Variants in MGAT5B observed in about 807,000 individuals in gnomAD.
The protein encoded by MGAT5B is N-acetylglucosaminyl-transferase Vb.
In MGAT5B, 54 loss-of-function variants were observed where a neutral mutation model predicts 95.1. The ratio of observed to expected loss-of-function variants is 0.57; its 90% CI spans 0.46 to 0.71. The LOEUF (loss-of-function observed/expected upper bound fraction) is 0.71. MGAT5B is among the 30% of genes least tolerant of loss of function. The probability of loss-of-function intolerance (pLI) is 0.00; values close to 1 mark genes in which losing one functional copy is unlikely to be tolerated. For synonymous variants in MGAT5B, 464 were observed against 451.0 expected (o/e 1.03, Z -0.36); for missense variants, 935 against 1,088.6 (o/e 0.86, Z 1.99).
chr17:76,881,013 T>G (rs1967390552), intron 2 of MGAT5B, among the ~76,000 whole-genome samples: 1 of 151,936 alleles, frequency 6.6e-6, no homozygotes, highest in African/African-American at 2.4e-5. Context: ...ACTTGGCTCG[T>G]TTTGGGGGAG....
intron 8 of MGAT5B, among the ~76,000 whole-genome samples, chr17:76,911,370 G>A (rs1204189519): frequency 1.3e-5 from 2 of 152,136 alleles, no homozygotes; most frequent in African/African-American, 4.8e-5. Flanking sequence ...CCAGGCTCAG[G>A]GCCCTAGAAA....
At chr17:76,926,561 T>G in intron 9 of MGAT5B, 36 bp from the exon 10 acceptor site, 3 of 1,582,028 alleles carry the variant, frequency 1.9e-6, no homozygotes, top group Non-Finnish European at 8.6e-7. Flanking sequence ...CACGGGGAGG[T>G]TGCTGACCCT....
At position 76,887,256 on chromosome 17, in the gene MGAT5B, G is replaced by C. The variant is rs557662553; in HGVS notation, c.329+4958G>C. Among the ~76,000 whole-genome samples, 16 of 152,026 alleles carry C rather than the reference G, an allele frequency of 1.1e-4. No individual in the cohort carries two copies. In the East Asian group the frequency reaches 3.1e-3, roughly 30 times the overall value. Reference sequence around the variant, plus strand: ...CTCAGGCTGTATCAGTGCCATTATTGCCATGGCTCGGACCCCAACCTTGCA... The same window carrying C: ...CTCAGGCTGTATCAGTGCCATTATTCCCATGGCTCGGACCCCAACCTTGCA... On this transcript the variant is annotated intron_variant, in intron 3 of 17. Transcript: ENST00000569840.
chr17:76,890,258 T>C (rs1323769893), intron 3 of MGAT5B, among the ~76,000 whole-genome samples: 1 of 152,252 alleles, frequency 6.6e-6, no homozygotes, highest in Non-Finnish European at 1.5e-5. Context: ...GGAGACTCAC[T>C]GCTTTCTGAT....
At chr17:76,872,484 T>C (rs1169608741) in intron 1 of MGAT5B, among the ~76,000 whole-genome samples, 2 of 152,212 alleles carry the variant, frequency 1.3e-5, no homozygotes, top group African/African-American at 2.4e-5. Context: ...GGGCCCGGCA[T>C]TGGCATTTCT....
intron 3 of MGAT5B, among the ~76,000 whole-genome samples, chr17:76,890,389 T>C (rs1197267104): frequency 2.0e-5 from 3 of 152,234 alleles, no homozygotes; most frequent in Admixed American, 6.5e-5. Flanking sequence ...AAACTAGGTA[T>C]GTGTGCTAGG....
At chr17:76,939,568 A>G (rs1969798980) in intron 13 of MGAT5B, among the ~76,000 whole-genome samples, 1 of 152,102 alleles carries the variant, frequency 6.6e-6, no homozygotes, top group Non-Finnish European at 1.5e-5. Flanking sequence ...CAGGCTTGGT[A>G]CCTGGGTATA....
intron 10 of MGAT5B, among the ~76,000 whole-genome samples, chr17:76,927,652 T>C (rs1014308583): frequency 6.6e-6 from 1 of 152,254 alleles, no homozygotes; most frequent in Non-Finnish European, 1.5e-5. Context: ...GTCAGTTCTC[T>C]GCCTCCCGGG....
intron 12 of MGAT5B, among the ~76,000 whole-genome samples, chr17:76,934,940 A>G (rs982666024): frequency 6.6e-5 from 10 of 151,952 alleles, no homozygotes; most frequent in African/African-American, 2.2e-4. Context: ...AGGAGGGGAG[A>G]TGGAAGGTCA....
In MGAT5B at chr17:76,869,234, G is replaced by T; in HGVS notation, c.68+137G>T. ...TCAACCCCTGGTGATGACCAGTGGG[G>T]CTGGGCTGGGGGAACGGATGGCGTT... On this transcript the variant is annotated intron_variant, in intron 1 of 17. Coordinates refer to ENST00000569840, the MANE Select transcript of MGAT5B (RefSeq NM_001199172.2). The surrounding 1 kb of genome is among the most constrained non-coding windows in gnomAD (Gnocchi z 7.0). 1.3e-6 allele frequency: 1 copy of T among 760,808 alleles called. No individual in the cohort carries two copies. Among genetic ancestry groups the T allele is most frequent in the East Asian group, 2.6e-5 (1 of 38,558 alleles). 47.1% of individuals were successfully genotyped at this position (760,808 alleles called of 1,614,324 possible). A position where few individuals can be genotyped will look rare whatever the true frequency, so the allele number is the denominator to read the frequency against.
intron 3 of MGAT5B, among the ~76,000 whole-genome samples, chr17:76,901,044 T>A (rs1212376381): frequency 6.6e-6 from 1 of 152,200 alleles, no homozygotes; most frequent in Non-Finnish European, 1.5e-5. Flanking sequence ...TCCCCTCCAC[T>A]TCGGTGTCTG....
rs543259501 is a variant in MGAT5B at position 76,890,481 on chromosome 17, G to A, written c.329+8183G>A. 7.9e-5 allele frequency among the ~76,000 whole-genome samples: 12 copies of A among 152,216 alleles called. No homozygotes were observed. The East Asian group carries it at 1.7e-3, about 22-fold the overall frequency. ...TGCAATAGCAAAGTTCCATAGCCTC[G>A]GGGGCTCATAGACAACAGACATTTC... On this transcript the variant is annotated intron_variant, in intron 3 of 17. Transcript: ENST00000569840.
At chr17:76,909,584 G>C (rs566327621) in intron 8 of MGAT5B, among the ~76,000 whole-genome samples, 4 of 152,210 alleles carry the variant, frequency 2.6e-5, no homozygotes, top group African/African-American at 9.6e-5. Flanking sequence ...CAGAGCCATG[G>C]CAATCTTAGG....
intron 16 of MGAT5B, 76 bp downstream of exon 16, chr17:76,946,526 C>T (rs1282150509): frequency 6.1e-6 from 8 of 1,308,112 alleles, no homozygotes; most frequent in Middle Eastern, 1.9e-4. Flanking sequence ...CATTGTCTGC[C>T]CAGGGCCCTG....
chr17:76,942,504 G>A (rs1207663381), intron 15 of MGAT5B, among the ~76,000 whole-genome samples: 1 of 152,178 alleles, frequency 6.6e-6, no homozygotes, highest in East Asian at 1.9e-4. Context: ...TCCAGCCTCG[G>A]TGACAGAGCG....
chr17:76,920,516 T>C (rs1313841740), intron 8 of MGAT5B, among the ~76,000 whole-genome samples: 1 of 152,146 alleles, frequency 6.6e-6, no homozygotes, highest in Non-Finnish European at 1.5e-5. Context: ...TACAGCCTCC[T>C]CTCCCAGCAG....
intron 3 of MGAT5B, among the ~76,000 whole-genome samples, chr17:76,891,004 A>C: frequency 9.9e-6 from 1 of 101,092 alleles, no homozygotes; most frequent in African/African-American, 4.2e-5. Flanking sequence ...TCCCACCGTC[A>C]CCCAGGCTGG....
At position 76,889,480 on chromosome 17, in the gene MGAT5B, G is replaced by A. The variant is rs578021819; in HGVS notation, c.329+7182G>A. Among the ~76,000 whole-genome samples the A allele has an allele frequency of 3.3e-4, 50 of 152,236 alleles. No individual in the cohort carries two copies. The highest frequency in any genetic ancestry group is 1.1e-3 in the African/African-American group (44 of 41,546). The stretch of plus-strand genomic sequence containing the variant: ...GCCCTCTGGTCTCAGAAGCTGTCTC[G>A]GGCCACCGTGGGTACCTTCACTGGG... On this transcript the variant is annotated intron_variant, in intron 3 of 17. Coordinates refer to ENST00000569840, the MANE Select transcript of MGAT5B (RefSeq NM_001199172.2). The surrounding 1 kb of genome is among the most constrained non-coding windows in gnomAD (Gnocchi z 4.4).
rs1218916653 is a variant in MGAT5B at position 76,914,773 on chromosome 17, G to T, written c.1025+8586G>T. On this transcript the variant is annotated intron_variant, in intron 8 of 17. Transcript: ENST00000569840. This position sits in a 1 kb window ranked among gnomAD's most constrained non-coding sequence, Gnocchi z 5.1. ...CTGCCTCAGCCTCCCGAGTAGCTGG[G>T]ACTACAGGAATGTGCCACCATGCCC... 6.6e-6 allele frequency among the ~76,000 whole-genome samples: 1 copy of T among 152,132 alleles called. No individual in the cohort carries two copies.
Sources: allele counts gnomAD v4.1 joint callset (sites outside exome capture counted in the v4.1 genomes callset), GRCh38; gene constraint gnomAD v4.1.1; non-coding constraint Gnocchi (gnomAD v3.1); transcripts MANE v1.5; gene names NCBI Gene and HGNC (gene_info 2026-07-23, HGNC 2026-07-21).